BAIAP2L1: variants seen among roughly 807,000 people sequenced by gnomAD.
The protein encoded by BAIAP2L1 is BAR/IMD domain containing adaptor protein 2 like 1.
In BAIAP2L1, 35 loss-of-function variants were observed where a neutral mutation model predicts 66.3. The ratio of observed to expected loss-of-function variants is 0.53; its 90% CI spans 0.40 to 0.70. BAIAP2L1 has a LOEUF of 0.70. Among genes scored for constraint, BAIAP2L1 ranks in the 30% least tolerant of loss-of-function variants. The probability of loss-of-function intolerance (pLI) is 0.00; values close to 1 mark genes in which losing one functional copy is unlikely to be tolerated. For missense variants in BAIAP2L1, 622 were observed against 656.9 expected (o/e 0.95, Z 0.58); for synonymous variants, 269 against 248.7 (o/e 1.08, Z -0.77).
intron 3 of BAIAP2L1, among the ~76,000 whole-genome samples, chr7:98,334,335 T>C (rs1422957748): frequency 6.6e-6 from 1 of 152,208 alleles, no homozygotes; most frequent in Non-Finnish European, 1.5e-5. Context: ...TCCAGCTTCA[T>C]TGTAAAGAGC....
chr7:98,305,591 TTTA>T (rs1800624794), intron 11 of BAIAP2L1, among the ~76,000 whole-genome samples: 1 of 152,096 alleles, frequency 6.6e-6, no homozygotes, highest in Non-Finnish European at 1.5e-5. Context: ...TGGCTAATTG[TTTA>T]TTTTTTTTGT....
intron 1 of BAIAP2L1, among the ~76,000 whole-genome samples, chr7:98,380,527 C>T (rs1002008124): frequency 7.9e-5 from 12 of 151,826 alleles, no homozygotes; most frequent in African/African-American, 1.2e-4. Context: ...TGGTGGAAAC[C>T]GCCCCCATGA....
chr7:98,381,274 C>T (rs1053728651), intron 1 of BAIAP2L1, among the ~76,000 whole-genome samples: 4 of 152,154 alleles, frequency 2.6e-5, no homozygotes, highest in Admixed American at 6.5e-5. Flanking sequence ...AAATCTTCAG[C>T]GCATGGAGAA....
At chr7:98,388,890 C>G (rs1465486601) in intron 1 of BAIAP2L1, among the ~76,000 whole-genome samples, 2 of 151,774 alleles carry the variant, frequency 1.3e-5, no homozygotes, top group African/African-American at 4.8e-5. Flanking sequence ...AGGAGGAACG[C>G]TTTAGCCTGG....
intron 1 of BAIAP2L1, among the ~76,000 whole-genome samples, chr7:98,375,286 C>A (rs745849289): frequency 3.4e-4 from 51 of 150,848 alleles, no homozygotes; most frequent in Admixed American, 3.3e-3. Flanking sequence ...CCCAGCTACT[C>A]GGGAGGCTGA....
At chr7:98,390,150 C>T (rs965070076) in intron 1 of BAIAP2L1, among the ~76,000 whole-genome samples, 18 of 151,594 alleles carry the variant, frequency 1.2e-4, no homozygotes, top group African/African-American at 4.1e-4. Context: ...CTCCTGACCT[C>T]GTGATCTGCC....
At chr7:98,318,217 A>G (rs1257985153) in intron 5 of BAIAP2L1, among the ~76,000 whole-genome samples, 1 of 152,196 alleles carries the variant, frequency 6.6e-6, no homozygotes, top group Non-Finnish European at 1.5e-5. Context: ...CCAAGTCTCT[A>G]AGGACATCTT....
intron 12 of BAIAP2L1, among the ~76,000 whole-genome samples, chr7:98,295,528 C>T (rs1800154708): frequency 6.6e-6 from 1 of 152,194 alleles, no homozygotes; most frequent in African/African-American, 2.4e-5. Flanking sequence ...TTTAAATGCA[C>T]CAGGGTGCCT....
At chr7:98,347,451 T>C (rs1801896110) in intron 3 of BAIAP2L1, among the ~76,000 whole-genome samples, 2 of 152,070 alleles carry the variant, frequency 1.3e-5, no homozygotes, top group Non-Finnish European at 2.9e-5. Flanking sequence ...GCTGCCTGTT[T>C]TTAAAATTAG....
rs779573408 is a variant in BAIAP2L1 at position 98,294,077 on chromosome 7, A to C, written c.1457T>G (p.Leu486Arg). Residue 486 changes from leucine to arginine, a missense_variant, in exon 13 of 14, where the codon CTC becomes CGC. By Grantham distance (102) the Leu-to-Arg change is moderately radical. Coordinates refer to ENST00000005260, the MANE Select transcript of BAIAP2L1 (RefSeq NM_018842.5). ...TCACGTAGGAAGCCACGCCTACCTG[A>C]GAAAAGGCGGCTTTGCAGTCCCGTT... ...DANGTAKPPF[L>R]SGENPFATVK... 4 of 1,614,012 alleles carry C rather than the reference A, an allele frequency of 2.5e-6. No individual in the cohort carries two copies. Among genetic ancestry groups the C allele is most frequent in the South Asian group, 2.2e-5 (2 of 91,092 alleles).
intron 12 of BAIAP2L1, among the ~76,000 whole-genome samples, chr7:98,298,321 A>G (rs986761400): frequency 6.6e-6 from 1 of 151,960 alleles, no homozygotes; most frequent in African/African-American, 2.4e-5. Context: ...TGCTTTTAAA[A>G]AACATTAGGG....
chr7:98,381,449 A>G (rs1275323961), intron 1 of BAIAP2L1, among the ~76,000 whole-genome samples: 1 of 152,206 alleles, frequency 6.6e-6, no homozygotes, highest in East Asian at 1.9e-4. Flanking sequence ...AGAGGCCTGC[A>G]GGCTTACCAG....
intron 1 of BAIAP2L1, among the ~76,000 whole-genome samples, chr7:98,397,083 A>C (rs1803228669): frequency 6.6e-6 from 1 of 152,090 alleles, no homozygotes; most frequent in Admixed American, 6.6e-5. Context: ...AAGAAACATA[A>C]ATAAATACAT....
intron 8 of BAIAP2L1, 66 bp from the exon 9 acceptor site, chr7:98,310,658 A>C: frequency 7.7e-7 from 1 of 1,298,404 alleles, no homozygotes; most frequent in Admixed American, 3.0e-5. Flanking sequence ...CAGATTCCCA[A>C]GGCTGTTTTT....
At chr7:98,388,701 C>T (rs1377594462) in intron 1 of BAIAP2L1, among the ~76,000 whole-genome samples, 3 of 152,174 alleles carry the variant, frequency 2.0e-5, no homozygotes, top group Non-Finnish European at 4.4e-5. Flanking sequence ...GGGCCAGATG[C>T]AGTGGCTCAC....
chr7:98,359,698 T>C (rs1802221233), intron 2 of BAIAP2L1, among the ~76,000 whole-genome samples: 1 of 150,476 alleles, frequency 6.6e-6, no homozygotes, highest in Non-Finnish European at 1.5e-5. Context: ...CAAATTCTTG[T>C]GACACTGGTC....
intron 12 of BAIAP2L1, among the ~76,000 whole-genome samples, chr7:98,297,601 C>T (rs137967589): frequency 1.2e-4 from 19 of 152,304 alleles, no homozygotes; most frequent in African/African-American, 3.8e-4. Context: ...TTCCAGTCCT[C>T]GTCTGTGGCC....
intron 3 of BAIAP2L1, among the ~76,000 whole-genome samples, chr7:98,332,997 A>G (rs1344287103): frequency 6.6e-6 from 1 of 151,700 alleles, no homozygotes; most frequent in East Asian, 1.9e-4. Flanking sequence ...ACTGGCTTAC[A>G]TGTGTGACCC....
intron 1 of BAIAP2L1, among the ~76,000 whole-genome samples, chr7:98,384,693 CTTTT>C (rs11413562): frequency 4.2e-5 from 5 of 118,796 alleles, no homozygotes; most frequent in African/African-American, 6.2e-5. Context: ...ATCATTCTAC[CTTTT>C]TTTTTTTTTT....
Sources: allele counts gnomAD v4.1 joint callset (sites outside exome capture counted in the v4.1 genomes callset), GRCh38; gene constraint gnomAD v4.1.1; transcripts MANE v1.5; gene names NCBI Gene and HGNC (gene_info 2026-07-23, HGNC 2026-07-21).